SCLT1: variants seen among roughly 807,000 people sequenced by gnomAD.
SCLT1 encodes the protein sodium channel-associated protein 1.
A neutral mutation model predicts 112.8 loss-of-function variants in SCLT1; 78 were observed. The ratio of observed to expected loss-of-function variants is 0.69; its 90% CI spans 0.58 to 0.83. SCLT1 has a LOEUF of 0.83. SCLT1 is among the 40% of genes least tolerant of loss of function. The probability of loss-of-function intolerance (pLI) is 0.00; values close to 1 mark genes in which losing one functional copy is unlikely to be tolerated. For missense variants in SCLT1, 747 were observed against 770.4 expected, an observed-to-expected ratio of 0.97 and a Z score of 0.36; for synonymous variants, 257 against 254.7, an observed-to-expected ratio of 1.01 and a Z score of -0.09.
intron 18 of SCLT1, among the ~76,000 whole-genome samples, chr4:128,917,625 G>C (rs995555227): frequency 6.6e-6 from 1 of 151,968 alleles, no homozygotes; most frequent in African/African-American, 2.4e-5. Flanking sequence ...ATCTAGTAAA[G>C]GTATACTAAG....
chr4:129,010,503 G>C (rs951774619), intron 5 of SCLT1, among the ~76,000 whole-genome samples: 1 of 152,070 alleles, frequency 6.6e-6, no homozygotes. Flanking sequence ...AATTGCTCTG[G>C]GCAGTATGAC....
At chr4:129,067,282 T>C (rs1472419551) in intron 2 of SCLT1, among the ~76,000 whole-genome samples, 5 of 151,932 alleles carry the variant, frequency 3.3e-5, no homozygotes, top group Non-Finnish European at 7.4e-5. Flanking sequence ...GTATATATTA[T>C]AAGCATTTTA....
At chr4:129,089,456 G>A (rs1005157100) in intron 1 of SCLT1, among the ~76,000 whole-genome samples, 3 of 152,260 alleles carry the variant, frequency 2.0e-5, no homozygotes, top group African/African-American at 2.4e-5. Context: ...ACAGTGTGGC[G>A]ATTCCTCAAG....
rs149543232 is a variant in SCLT1, at chr4:128,887,661, G to A, written c.2004+1018C>T. The stretch of plus-strand genomic sequence containing the variant: ...GTCTCATTTTGTTCCTCATATGAGG[G>A]ACTATTGCTCCTACTTTACAATCAA... On this transcript the variant is annotated intron_variant, in intron 20 of 20. Coordinates refer to ENST00000281142, the MANE Select transcript of SCLT1 (RefSeq NM_144643.4). Among the ~76,000 whole-genome samples, 813 of 152,138 alleles carry A rather than the reference G, an allele frequency of 5.3e-3. 5 individuals carry two copies. Among genetic ancestry groups the A allele is most frequent in the Non-Finnish European group, 9.5e-3 (645 of 67,994 alleles).
intron 4 of SCLT1, among the ~76,000 whole-genome samples, chr4:129,042,413 G>A (rs925603866): frequency 6.6e-6 from 1 of 151,992 alleles, no homozygotes; most frequent in Non-Finnish European, 1.5e-5. Context: ...TATTATTCTA[G>A]TTCTCCATAA....
chr4:128,965,249 T>C lies in SCLT1; in HGVS notation c.847A>G (p.Ser283Gly). The change falls in exon 11 of 21, where the codon AGT becomes GGT. Residue 283 changes from serine (S) to glycine (G), a missense_variant. This residue lies in a region of SCLT1 where 723 missense variants were observed against 721.3 expected (regional missense o/e 1.00). Coordinates refer to ENST00000281142, the MANE Select transcript of SCLT1 (RefSeq NM_144643.4). ...SDRRLQQLQSSIKQLEIRLCV... is the reference protein window; with the variant it reads ...SDRRLQQLQSGIKQLEIRLCV... Reference sequence around the variant, plus strand: ...TACCTTATTTCTAATTGTTTTATACTAGACTGTAACTGCTGTAAACGCCTA... The same window carrying C: ...TACCTTATTTCTAATTGTTTTATACCAGACTGTAACTGCTGTAAACGCCTA... 1 of 1,597,214 alleles carries C rather than the reference T, an allele frequency of 6.3e-7. No individual in the cohort carries two copies. Among genetic ancestry groups the C allele is most frequent in the Non-Finnish European group, 8.6e-7 (1 of 1,164,882 alleles).
intron 18 of SCLT1, among the ~76,000 whole-genome samples, chr4:128,912,214 T>C (rs543839613): frequency 4.6e-5 from 7 of 152,178 alleles, no homozygotes; most frequent in Non-Finnish European, 2.9e-5. Context: ...ATTAAAGACC[T>C]AATTGGTTCA....
chr4:128,999,869 T>C lies in SCLT1; in HGVS notation c.427-75A>G, dbSNP rs530540963. 66 of 944,040 alleles carry C rather than the reference T, an allele frequency of 7.0e-5. No homozygotes were observed. The East Asian group carries it at 1.7e-3, about 24-fold the overall frequency. The allele number at this position is 944,040 out of a possible 1,614,324, so 58.5% of individuals were successfully genotyped here. A position where few individuals can be genotyped will look rare whatever the true frequency, so the allele number is the denominator to read the frequency against. On this transcript the variant is annotated intron_variant, in intron 6 of 20. Coordinates refer to ENST00000281142, the MANE Select transcript of SCLT1 (RefSeq NM_144643.4). Reference sequence around the variant, plus strand: ...GTATAGTACAAATGGATCATTTTCTTTTATAGAATAAGTTCTTATAAAGTC... The same window carrying C: ...GTATAGTACAAATGGATCATTTTCTCTTATAGAATAAGTTCTTATAAAGTC...
At chr4:128,887,148 C>G (rs941598535) in intron 20 of SCLT1, among the ~76,000 whole-genome samples, 1 of 152,104 alleles carries the variant, frequency 6.6e-6, no homozygotes, top group East Asian at 1.9e-4. Context: ...CTTAATGGCA[C>G]TAAATGGCAC....
At chr4:129,057,405 T>C (rs13124870) in intron 2 of SCLT1, among the ~76,000 whole-genome samples, 6,047 of 145,324 alleles carry the variant, frequency 0.042, 152 homozygotes, top group South Asian at 0.06. Flanking sequence ...GAATTAATAT[T>C]ATTCTTTTTT....
intron 5 of SCLT1, among the ~76,000 whole-genome samples, chr4:129,032,092 C>T (rs754649556): frequency 6.6e-6 from 1 of 152,058 alleles, no homozygotes. Flanking sequence ...AACTATACTA[C>T]AAGGCTACAG....
At chr4:129,042,965 C>T (rs996129148) in intron 4 of SCLT1, among the ~76,000 whole-genome samples, 6 of 151,992 alleles carry the variant, frequency 3.9e-5, no homozygotes, top group Admixed American at 6.5e-5. Flanking sequence ...CCCAGCTACT[C>T]GGGAGGCTGA....
intron 20 of SCLT1, among the ~76,000 whole-genome samples, chr4:128,888,074 C>T (rs1248222027): frequency 6.6e-6 from 1 of 152,184 alleles, no homozygotes; most frequent in African/African-American, 2.4e-5. Context: ...TAGCTACATA[C>T]AGCTATTGAG....
intron 18 of SCLT1, among the ~76,000 whole-genome samples, chr4:128,908,311 T>G (rs1420652052): frequency 1.3e-5 from 2 of 151,568 alleles, no homozygotes; most frequent in African/African-American, 4.9e-5. Flanking sequence ...ATAATATGCT[T>G]CAGTTACTTT....
intron 3 of SCLT1, among the ~76,000 whole-genome samples, chr4:128,878,808 C>T (rs941748094): frequency 5.9e-5 from 9 of 152,048 alleles, no homozygotes; most frequent in Non-Finnish European, 1.3e-4. Flanking sequence ...TACTACTTTA[C>T]TTACATTTAG....
In SCLT1 at chr4:129,028,798, C is replaced by T. The variant is rs555044022; in HGVS notation, c.290+10243G>A. Among the ~76,000 whole-genome samples, 32 of 152,030 alleles carry T rather than the reference C, an allele frequency of 2.1e-4. No individual in the cohort carries two copies. The South Asian group carries it at 6.4e-3, about 31-fold the overall frequency. On this transcript the variant is annotated intron_variant, in intron 5 of 20. Coordinates refer to ENST00000281142, the MANE Select transcript of SCLT1 (RefSeq NM_144643.4). ...ACTCATCTGACAAAAGGCTAATATC[C>T]AGAATCTACAATGAACTCCAACAAA...
At chr4:128,946,189 A>T (rs1440909465) in intron 15 of SCLT1, 37 bp from the exon 16 acceptor site, 1 of 1,423,894 alleles carries the variant, frequency 7.0e-7, no homozygotes. Context: ...AATATTACAG[A>T]AGAAACTGTC....
rs528905688 is a variant in SCLT1, at chr4:129,053,557, A to ATTTTTTTTTTTTTTTTTTTTTTT, written c.103-9529_103-9507dup. ...TTAGAGACTAGGATTGCAATCCCTG[A>ATTTTTTTTTTTTTTTTTTTTTTT]TTTTTTTTTTTTTTTTTTTTTTTTT... On this transcript the variant is annotated intron_variant, in intron 2 of 20. Transcript: ENST00000281142. Among the ~76,000 whole-genome samples the ATTTTTTTTTTTTTTTTTTTTTTT allele has an allele frequency of 6.6e-4, 30 of 45,232 alleles. 5 individuals are homozygous for ATTTTTTTTTTTTTTTTTTTTTTT. Among genetic ancestry groups the ATTTTTTTTTTTTTTTTTTTTTTT allele is most frequent in the African/African-American group, 9.1e-4 (10 of 11,008 alleles). 29.7% of individuals were successfully genotyped at this position (45,232 alleles called of 152,430 possible). A position where few individuals can be genotyped will look rare whatever the true frequency, so the allele number is the denominator to read the frequency against.
intron 2 of SCLT1, among the ~76,000 whole-genome samples, chr4:129,081,269 T>C (rs1751912973): frequency 6.6e-6 from 1 of 152,168 alleles, no homozygotes. Context: ...CCATATGCCC[T>C]AAGAACAAAG....
Sources: allele counts gnomAD v4.1 joint callset (sites outside exome capture counted in the v4.1 genomes callset), GRCh38; gene constraint gnomAD v4.1.1; regional missense constraint gnomAD v4.1.1; transcripts MANE v1.5; gene names NCBI Gene and HGNC (gene_info 2026-07-23, HGNC 2026-07-21).